The following TAOK3 variants were observed in gnomAD, a reference collection of about 807,000 sequenced individuals.
TAOK3 encodes the protein serine/threonine-protein kinase TAO3.
TAOK3 carries 40 observed loss-of-function variants against 120.4 expected under a neutral mutation model. That is an observed-to-expected ratio of 0.33 (90% CI 0.26 to 0.43). The LOEUF is 0.43. Among genes scored for constraint, TAOK3 ranks in the 20% least tolerant of loss-of-function variants. The pLI, the probability that TAOK3 is intolerant of heterozygous loss-of-function variation, is 1.00. For synonymous variants in TAOK3, 355 were observed against 387.5 expected, an observed-to-expected ratio of 0.92 and a Z score of 0.99; for missense variants, 821 against 1,112.1, an observed-to-expected ratio of 0.74 and a Z score of 3.72.
Position 118,172,363 on chromosome 12 carries a change from G to A in TAOK3, c.1899+94C>T, listed in dbSNP as rs149524910. On this transcript the variant is annotated intron_variant, in intron 17 of 20. Coordinates refer to ENST00000392533, the MANE Select transcript of TAOK3 (RefSeq NM_016281.4). ...TGTGCTAAAAGGCTAGAAAGGCTAG[G>A]GATATAGGAATGGACCAGGCAGACA... 7,700 of 1,344,690 alleles carry A rather than the reference G, an allele frequency of 5.7e-3. 40 individuals are homozygous for A. The highest frequency in any genetic ancestry group is 7.3e-3 in the Non-Finnish European group (6,840 of 942,156). The allele number at this position is 1,344,690 out of a possible 1,614,324, so 83.3% of individuals were successfully genotyped here.
intron 1 of TAOK3, chr12:118,283,726 CAACAAAACAA>C (rs1184077076): frequency 5.0e-6 from 1 of 201,776 alleles, no homozygotes; most frequent in Non-Finnish European, 1.1e-5. Context: ...AAGACTTCAT[CAACAAAACAA>C]AACAAAACAA....
In TAOK3 at chr12:118,203,823, CAGAG is replaced by C. The variant is rs1209148099; in HGVS notation, c.820-2364_820-2361del. On this transcript the variant is annotated intron_variant, in intron 11 of 20. Coordinates refer to ENST00000392533, the MANE Select transcript of TAOK3 (RefSeq NM_016281.4). ...CTCTGACAGCTTGAGAGTAGAGAAACAGAGAGAAATTTCATGACTAACAGACCTA... is the reference window on the plus strand; with the variant it reads ...CTCTGACAGCTTGAGAGTAGAGAAACAGAAATTTCATGACTAACAGACCTA... Among the ~76,000 whole-genome samples, 4 of 151,736 alleles carry C rather than the reference CAGAG, an allele frequency of 2.6e-5. No homozygotes were observed. The East Asian group carries it at 5.8e-4, about 22-fold the overall frequency.
chr12:118,333,526 G>C (rs2141043084), intron 1 of TAOK3, among the ~76,000 whole-genome samples: 1 of 152,240 alleles, frequency 6.6e-6, no homozygotes, highest in Non-Finnish European at 1.5e-5. Context: ...CTTACATTAG[G>C]AGAGAGAAAT....
chr12:118,338,625 A>T (rs1040262753), intron 1 of TAOK3, among the ~76,000 whole-genome samples: 1 of 151,952 alleles, frequency 6.6e-6, no homozygotes, highest in Admixed American at 6.6e-5. Context: ...GTCTCTACTA[A>T]AAATACAAAA....
chr12:118,262,593 G>A (rs2041278945), intron 2 of TAOK3, among the ~76,000 whole-genome samples: 1 of 152,016 alleles, frequency 6.6e-6, no homozygotes, highest in Admixed American at 6.6e-5. Flanking sequence ...TTGGGAGGCT[G>A]AGGTGGGTGG....
At chr12:118,314,102 C>T (rs532123206) in intron 1 of TAOK3, among the ~76,000 whole-genome samples, 1 of 152,270 alleles carries the variant, frequency 6.6e-6, no homozygotes, top group East Asian at 1.9e-4. Context: ...ACCTATGTAT[C>T]TTCTAGAACA....
chr12:118,178,465 C>CT (rs113949153), intron 15 of TAOK3, among the ~76,000 whole-genome samples: 4 of 149,716 alleles, frequency 2.7e-5, no homozygotes, highest in East Asian at 2.0e-4. Flanking sequence ...ATTTTGTTTT[C>CT]TTTTTTTTTT....
intron 3 of TAOK3, among the ~76,000 whole-genome samples, chr12:118,250,642 G>A (rs754498323): frequency 6.6e-6 from 1 of 152,190 alleles, no homozygotes; most frequent in Non-Finnish European, 1.5e-5. Context: ...ATTGGGCTAA[G>A]TGCTAGGGAT....
At chr12:118,180,376 G>A (rs555732038) in intron 15 of TAOK3, among the ~76,000 whole-genome samples, 1 of 151,968 alleles carries the variant, frequency 6.6e-6, no homozygotes, top group East Asian at 1.9e-4. Context: ...AATTAGTTGG[G>A]ACTATAGGCA....
chr12:118,321,461 T>C lies in TAOK3; in HGVS notation c.-194+51187A>G, dbSNP rs554291955. ...TTTTTTGTAGAATGGAGTTTTGCCA[T>C]GTTGCCCAGGCTGGTCTTGAACTAC... On this transcript the variant is annotated intron_variant, in intron 1 of 20. Coordinates refer to ENST00000392533, the MANE Select transcript of TAOK3 (RefSeq NM_016281.4). 3.3e-5 allele frequency among the ~76,000 whole-genome samples: 5 copies of C among 152,256 alleles called. No individual in the cohort carries two copies. The East Asian group carries it at 7.7e-4, about 23-fold the overall frequency.
At chr12:118,370,644 G>C (rs138788260) in intron 1 of TAOK3, among the ~76,000 whole-genome samples, 3 of 152,160 alleles carry the variant, frequency 2.0e-5, no homozygotes, top group Non-Finnish European at 4.4e-5. Context: ...ATACAAAACT[G>C]CTGGGTACAA....
In TAOK3 at chr12:118,150,933, G is replaced by A; in HGVS notation, c.*64C>T. On this transcript the variant is annotated 3_prime_UTR_variant, in exon 21 of 21. Transcript: ENST00000392533. ...TTAAAATGGGGAATGTGGTTTTGCA[G>A]GGTCTGAATTTTTTTCTGTTTTCTT... The A allele has an allele frequency of 6.7e-7, 1 of 1,482,782 alleles. No homozygotes were observed. The highest frequency in any genetic ancestry group is 9.0e-7 in the Non-Finnish European group (1 of 1,105,722). The allele number at this position is 1,482,782 out of a possible 1,614,324, so 91.9% of individuals were successfully genotyped here. A position where few individuals can be genotyped will look rare whatever the true frequency, so the allele number is the denominator to read the frequency against.
At chr12:118,335,156 C>T (rs2044313704) in intron 1 of TAOK3, among the ~76,000 whole-genome samples, 1 of 150,508 alleles carries the variant, frequency 6.6e-6, no homozygotes, top group Admixed American at 6.6e-5. Flanking sequence ...CCCACTTCAG[C>T]CTGGGCAACA....
In TAOK3 at chr12:118,161,625, A is replaced by T. The variant is rs1382528732; in HGVS notation, c.2139+163T>A. ...CCAGCTTGCCCAACATCTCCTTTTC[A>T]GGAGCTTAAATATAGACTCTGTGCT... On this transcript the variant is annotated intron_variant, in intron 18 of 20. Transcript: ENST00000392533. The surrounding 1 kb of genome is among the most constrained non-coding windows in gnomAD (Gnocchi z 4.5). 6.6e-6 allele frequency among the ~76,000 whole-genome samples: 1 copy of T among 152,226 alleles called. No homozygotes were observed. Among genetic ancestry groups the T allele is most frequent in the Non-Finnish European group, 1.5e-5 (1 of 68,042 alleles).
chr12:118,322,859 G>A (rs1180371824), intron 1 of TAOK3, among the ~76,000 whole-genome samples: 1 of 151,272 alleles, frequency 6.6e-6, no homozygotes, highest in African/African-American at 2.4e-5. Context: ...CCGAGTAGCT[G>A]GGATTACAGG....
At chr12:118,244,088 T>C (rs1031224257) in intron 4 of TAOK3, among the ~76,000 whole-genome samples, 16 of 152,316 alleles carry the variant, frequency 1.1e-4, no homozygotes, top group African/African-American at 3.6e-4. Flanking sequence ...AAATAGTTTT[T>C]TTCCTTTTCA....
chr12:118,150,878 A>AAG lies in TAOK3; in HGVS notation c.*117_*118dup, dbSNP rs770867106. On this transcript the variant is annotated 3_prime_UTR_variant, in exon 21 of 21. Transcript: ENST00000392533. ...AGTCCGACACGATGTCAGTAAGAGT[A>AAG]AGAGAGAGAGAGAGTGAGAGCAACG... 137 of 1,015,824 alleles carry AAG rather than the reference A, an allele frequency of 1.3e-4. No individual in the cohort carries two copies. The highest frequency in any genetic ancestry group is 1.7e-4 in the Non-Finnish European group (119 of 715,288). 62.9% of individuals were successfully genotyped at this position (1,015,824 alleles called of 1,614,324 possible). A position where few individuals can be genotyped will look rare whatever the true frequency, so the allele number is the denominator to read the frequency against.
chr12:118,212,399 A>C (rs1171078667), intron 11 of TAOK3, among the ~76,000 whole-genome samples: 1 of 152,252 alleles, frequency 6.6e-6, no homozygotes, highest in Non-Finnish European at 1.5e-5. Context: ...GCTTGGTGAT[A>C]ATTAAATCAA....
intron 1 of TAOK3, among the ~76,000 whole-genome samples, chr12:118,313,343 C>G (rs1474988080): frequency 6.6e-6 from 1 of 151,962 alleles, no homozygotes; most frequent in African/African-American, 2.4e-5. Context: ...ATGGCATGAT[C>G]TTGGCTCACT....
Sources: gnomAD v4.1 joint callset for allele counts (sites outside exome capture counted in the v4.1 genomes callset) on GRCh38, gnomAD v4.1.1 for gene constraint, Gnocchi (gnomAD v3.1) non-coding constraint, MANE v1.5 for transcripts, NCBI Gene and HGNC (gene_info 2026-07-23, HGNC 2026-07-21) for gene names.